The following TNRC18 variants were observed in gnomAD, a reference collection of about 807,000 sequenced individuals.
The protein encoded by TNRC18 is trinucleotide repeat-containing gene 18 protein.
TNRC18 carries 69 observed loss-of-function variants against 226.7 expected under a neutral mutation model. That is an observed-to-expected ratio of 0.30 (90% CI 0.25 to 0.37). The LOEUF (loss-of-function observed/expected upper bound fraction) is 0.37, where lower values mean the gene tolerates loss of function less well. TNRC18 is among the 10% of genes least tolerant of loss of function. The pLI, the probability that TNRC18 is intolerant of heterozygous loss-of-function variation, is 1.00. For synonymous variants in TNRC18, 2,449 were observed against 1,927.6 expected (o/e 1.27, Z -7.09); for missense variants, 4,754 against 4,256.6 (o/e 1.12, Z -3.25).
At chr7:5,352,973 C>T (rs1251544582) in intron 16 of TNRC18, among the ~76,000 whole-genome samples, 1 of 152,240 alleles carries the variant, frequency 6.6e-6, no homozygotes, top group Non-Finnish European at 1.5e-5. Flanking sequence ...ACCTCCGAGT[C>T]CAAGAGAAAC....
At chr7:5,333,682 C>G (rs1016083713) in intron 18 of TNRC18, among the ~76,000 whole-genome samples, 5 of 152,172 alleles carry the variant, frequency 3.3e-5, no homozygotes, top group Non-Finnish European at 5.9e-5. Flanking sequence ...AGCACTCGCC[C>G]AGCACCCACC....
At chr7:5,371,771 T>C (rs1794177897) in intron 10 of TNRC18, among the ~76,000 whole-genome samples, 1 of 152,180 alleles carries the variant, frequency 6.6e-6, no homozygotes, top group Admixed American at 6.5e-5. Context: ...AAAGCAGTTG[T>C]TCAAAATCTA....
At chr7:5,351,534 G>A (rs903184949) in intron 17 of TNRC18, among the ~76,000 whole-genome samples, 1 of 152,176 alleles carries the variant, frequency 6.6e-6, no homozygotes, top group Non-Finnish European at 1.5e-5. Flanking sequence ...AGGGCAAGTG[G>A]AGAGAAACGC....
chr7:5,362,556 C>T (rs987245160), intron 12 of TNRC18, 94 bp downstream of exon 12: 6 of 1,266,614 alleles, frequency 4.7e-6, no homozygotes, highest in Non-Finnish European at 6.4e-6. Context: ...GGCGCCAAAG[C>T]CAGCCACGCC....
chr7:5,350,421 G>A (rs1470013323), intron 17 of TNRC18, among the ~76,000 whole-genome samples: 1 of 139,312 alleles, frequency 7.2e-6, no homozygotes, highest in Non-Finnish European at 1.6e-5. Context: ...GAGCAGGGCT[G>A]GAAAAACAGG....
rs1340628105 is a variant in TNRC18, at chr7:5,387,833, A to G, written c.1991T>C (p.Phe664Ser). 2 of 1,606,430 alleles carry G rather than the reference A, an allele frequency of 1.2e-6. No individual in the cohort carries two copies. Residue 664 changes from phenylalanine to serine, a missense_variant, in exon 5 of 30, where the codon TTC (phenylalanine) becomes TCC (serine). By Grantham distance (155) the Phe-to-Ser change is radical. Coordinates refer to ENST00000430969, the MANE Select transcript of TNRC18 (RefSeq NM_001080495.3). ...CTGGGCACCAGAGCCCTCGCGCCCG[A>G]AAGCTTTGGCGCTCTCGGGCCTCTC... is the stretch of plus-strand genomic sequence containing the variant. ...DPERPESAKA[F>S]GREGSGAQGE... is the part of the protein sequence containing the mutation.
chr7:5,372,615 A>G (rs1247319699), intron 10 of TNRC18, among the ~76,000 whole-genome samples: 5 of 152,094 alleles, frequency 3.3e-5, no homozygotes, highest in Admixed American at 3.3e-4. Flanking sequence ...CTTCACAGGC[A>G]AAGGTGGAAA....
At position 5,374,272 on chromosome 7, in the gene TNRC18, C is replaced by A. The variant is rs1168282546; in HGVS notation, c.3012G>T (p.Leu1004=). 1 of 1,489,204 alleles carries A rather than the reference C, an allele frequency of 6.7e-7. No individual in the cohort carries two copies. Among genetic ancestry groups the A allele is most frequent in the Non-Finnish European group, 8.9e-7 (1 of 1,120,256 alleles). The allele number at this position is 1,489,204 out of a possible 1,614,324, so 92.2% of individuals were successfully genotyped here. A position where few individuals can be genotyped will look rare whatever the true frequency, so the allele number is the denominator to read the frequency against. Residue 1004 remains leucine (L), a synonymous_variant, in exon 10 of 30, where the codon CTG becomes CTT. Coordinates refer to ENST00000430969, the MANE Select transcript of TNRC18 (RefSeq NM_001080495.3). ...CCAGCTTCTGGATGACCTTGGCCTT[C>A]AGGGCAGCCACAGGGGATGCGCGGG... ...PSPRASPVAA[L]KAKVIQKLED...
At chr7:5,409,226 G>C (rs1052883329) in intron 2 of TNRC18, among the ~76,000 whole-genome samples, 11 of 150,856 alleles carry the variant, frequency 7.3e-5, no homozygotes, top group East Asian at 2.0e-4. Flanking sequence ...AGGTGAAAGA[G>C]AAAAGAGAAA....
At chr7:5,405,520 G>C (rs4724671) in intron 2 of TNRC18, among the ~76,000 whole-genome samples, 21,672 of 152,098 alleles carry the variant, frequency 0.14, 2,939 homozygotes, top group African/African-American at 0.35. Flanking sequence ...AGTGAGCCGA[G>C]ATTGTGCCAC....
intron 5 of TNRC18, among the ~76,000 whole-genome samples, chr7:5,385,024 A>G (rs1379272005): frequency 6.6e-6 from 1 of 152,268 alleles, no homozygotes. Flanking sequence ...AGGCAGGAGC[A>G]TCTGGAGCTC....
intron 16 of TNRC18, among the ~76,000 whole-genome samples, chr7:5,356,287 C>T (rs959941914): frequency 7.2e-5 from 11 of 152,048 alleles, no homozygotes; most frequent in African/African-American, 2.4e-4. Flanking sequence ...CGCACCCGAG[C>T]GCACACACTC....
At chr7:5,323,099 G>A (rs1340737712) in intron 21 of TNRC18, among the ~76,000 whole-genome samples, 1 of 152,210 alleles carries the variant, frequency 6.6e-6, no homozygotes, top group African/African-American at 2.4e-5. Context: ...TGGCCACCCA[G>A]CAGCCCTACA....
At chr7:5,418,438 T>C (rs1183257754) in intron 2 of TNRC18, among the ~76,000 whole-genome samples, 1 of 152,136 alleles carries the variant, frequency 6.6e-6, no homozygotes, top group Non-Finnish European at 1.5e-5. Flanking sequence ...TGGCTGTCAA[T>C]ACTAGCTTGG....
intron 2 of TNRC18, among the ~76,000 whole-genome samples, chr7:5,399,364 C>T (rs1161377046): frequency 6.6e-6 from 1 of 152,188 alleles, no homozygotes; most frequent in Non-Finnish European, 1.5e-5. Context: ...CGCCTACTCA[C>T]CCCAGTTATT....
At position 5,306,957 on chromosome 7, in the gene TNRC18, C is replaced by A. The variant is rs1308826273; in HGVS notation, c.*1149G>T. On this transcript the variant is annotated 3_prime_UTR_variant, in exon 30 of 30. Transcript: ENST00000430969. ...TTCCCTCAAGATTGTCTGGTTGAGG[C>A]CTTGGTTTCCCTTGAAGGCTTGGGG... 6.6e-6 allele frequency: 1 copy of A among 151,418 alleles called. No individual in the cohort carries two copies. Among genetic ancestry groups the A allele is most frequent in the African/African-American group, 2.4e-5 (1 of 41,296 alleles). The allele number at this position is 151,418 out of a possible 1,614,324, so 9.4% of individuals were successfully genotyped here.
rs572393467 is a variant in TNRC18 at position 5,307,537 on chromosome 7, C to T, written c.*569G>A. The T allele has an allele frequency of 1.3e-5, 6 of 449,764 alleles. No homozygotes were observed. The highest frequency in any genetic ancestry group is 7.1e-5 in the East Asian group (1 of 14,056). 27.9% of individuals were successfully genotyped at this position (449,764 alleles called of 1,614,324 possible). A position where few individuals can be genotyped will look rare whatever the true frequency, so the allele number is the denominator to read the frequency against. On this transcript the variant is annotated 3_prime_UTR_variant, in exon 30 of 30. Transcript: ENST00000430969. ...AGACACTCCGGGCTGCAACCCCACC[C>T]GGCTCTGTTCCCCAAGTCTAGGCCA...
In TNRC18 at chr7:5,361,731, G is replaced by A. The variant is rs1793068359; in HGVS notation, c.4533-9C>T. On this transcript the variant is annotated splice_polypyrimidine_tract_variant and intron_variant, in intron 13 of 29. Coordinates refer to ENST00000430969, the MANE Select transcript of TNRC18 (RefSeq NM_001080495.3). ...GTTCCTCGCGCCTGTCCCTTAAAAAGAATCACACGCTTGGCTGTGACGCTG... is the reference window on the plus strand; with the variant it reads ...GTTCCTCGCGCCTGTCCCTTAAAAAAAATCACACGCTTGGCTGTGACGCTG... 1.3e-6 allele frequency: 2 copies of A among 1,562,660 alleles called. No homozygotes were observed. The highest frequency in any genetic ancestry group is 2.4e-5 in the South Asian group (2 of 85,062).
intron 21 of TNRC18, among the ~76,000 whole-genome samples, 193 bp from the exon 22 acceptor site, chr7:5,321,383 T>A (rs960904331): frequency 6.6e-6 from 1 of 152,134 alleles, no homozygotes; most frequent in Non-Finnish European, 1.5e-5. Flanking sequence ...CCAGTGAGCA[T>A]GTACAGGGTG....
Sources: gnomAD v4.1 joint callset for allele counts (sites outside exome capture counted in the v4.1 genomes callset) on GRCh38, gnomAD v4.1.1 for gene constraint, MANE v1.5 for transcripts, NCBI Gene and HGNC (gene_info 2026-07-23, HGNC 2026-07-21) for gene names.